CTNND2: variants seen among roughly 807,000 people sequenced by gnomAD.
CTNND2 encodes the protein catenin delta 2.
Under a neutral mutation model 144.4 loss-of-function variants are expected in CTNND2, and 22 were observed. The ratio of observed to expected loss-of-function variants is 0.15; its 90% CI spans 0.11 to 0.22. The LOEUF (loss-of-function observed/expected upper bound fraction) is 0.22. Ranked by LOEUF, CTNND2 falls within the 10% of genes least tolerant of loss-of-function variation. The probability of loss-of-function intolerance (pLI) is 1.00; values close to 1 mark genes in which losing one functional copy is unlikely to be tolerated. For missense variants in CTNND2, 1,353 were observed against 1,618.8 expected (o/e 0.84, Z 2.82); for synonymous variants, 751 against 695.6 (o/e 1.08, Z -1.25).
intron 2 of CTNND2, among the ~76,000 whole-genome samples, chr5:11,711,388 T>C (rs544842258): frequency 3.3e-5 from 5 of 152,272 alleles, no homozygotes; most frequent in African/African-American, 1.2e-4. Context: ...TTTTTTTATA[T>C]ATATTTAATC....
intron 3 of CTNND2, among the ~76,000 whole-genome samples, chr5:11,458,925 C>T (rs1323102744): frequency 6.6e-6 from 1 of 150,414 alleles, no homozygotes; most frequent in African/African-American, 2.5e-5. Context: ...ACCACCACGA[C>T]TGTTTCTTTT....
chr5:10,986,680 G>A (rs918729290), intron 20 of CTNND2: 2 of 456,250 alleles, frequency 4.4e-6, no homozygotes, highest in South Asian at 1.5e-5. Context: ...TTCAGGAAAC[G>A]TCTCAGGAGC....
intron 3 of CTNND2, among the ~76,000 whole-genome samples, chr5:11,455,931 C>A (rs1466750643): frequency 6.6e-6 from 1 of 152,112 alleles, no homozygotes; most frequent in Admixed American, 6.6e-5. Flanking sequence ...AAATCTTCCC[C>A]AATGGTGATG....
At chr5:11,829,413 T>C (rs1279009034) in intron 1 of CTNND2, among the ~76,000 whole-genome samples, 3 of 151,996 alleles carry the variant, frequency 2.0e-5, no homozygotes, top group Non-Finnish European at 4.4e-5. Context: ...AGGCCCAGGG[T>C]CCCTATGCTG....
chr5:11,014,458 G>C (rs1351476684), intron 18 of CTNND2, among the ~76,000 whole-genome samples: 2 of 152,078 alleles, frequency 1.3e-5, no homozygotes, highest in Non-Finnish European at 2.9e-5. Flanking sequence ...TCTATTTGCG[G>C]TTATCTAAAC....
At chr5:11,765,635 C>T (rs1381777034) in intron 1 of CTNND2, among the ~76,000 whole-genome samples, 4 of 152,006 alleles carry the variant, frequency 2.6e-5, no homozygotes, top group East Asian at 1.9e-4. Context: ...AAAATGGCGT[C>T]GAACTCTCGG....
chr5:11,846,307 ACTAT>A (rs1794732994), intron 1 of CTNND2, among the ~76,000 whole-genome samples: 1 of 152,128 alleles, frequency 6.6e-6, no homozygotes, highest in Non-Finnish European at 1.5e-5. Context: ...ATTTCAACAA[ACTAT>A]CAATCTTTGA....
At chr5:11,325,956 C>T (rs1251761883) in intron 9 of CTNND2, among the ~76,000 whole-genome samples, 1 of 152,176 alleles carries the variant, frequency 6.6e-6, no homozygotes, top group Non-Finnish European at 1.5e-5. Context: ...CAGAGCCTAA[C>T]TGTAGTACAT....
At chr5:11,299,689 C>T (rs40403) in intron 9 of CTNND2, among the ~76,000 whole-genome samples, 62,414 of 151,982 alleles carry the variant, frequency 0.41, 13,449 homozygotes, top group African/African-American at 0.53. Context: ...ACTTTCCTGC[C>T]AAGGTGTGTC....
chr5:11,662,150 T>TATATATGTGTATATGTGTATATATAC (rs1561668772), intron 2 of CTNND2, among the ~76,000 whole-genome samples: 159 of 113,134 alleles, frequency 1.4e-3, no homozygotes, highest in African/African-American at 7.1e-3. Flanking sequence ...TATATACACA[T>TATATATGTGTATATGTGTATATATAC]ATATATGTGT....
At chr5:11,800,617 A>G (rs1791627528) in intron 1 of CTNND2, among the ~76,000 whole-genome samples, 1 of 152,304 alleles carries the variant, frequency 6.6e-6, no homozygotes, top group South Asian at 2.1e-4. Context: ...CCTTCCGTCC[A>G]TTAGAGAAAC....
At chr5:11,469,881 C>T (rs1403398997) in intron 3 of CTNND2, among the ~76,000 whole-genome samples, 2 of 152,116 alleles carry the variant, frequency 1.3e-5, no homozygotes, top group East Asian at 3.9e-4. Flanking sequence ...CACCTTGCTT[C>T]CTGCCTCCAT....
At chr5:11,129,651 C>G (rs1476186551) in intron 12 of CTNND2, among the ~76,000 whole-genome samples, 1 of 151,872 alleles carries the variant, frequency 6.6e-6, no homozygotes, top group Non-Finnish European at 1.5e-5. Flanking sequence ...CCCCTGAAAA[C>G]TGGAGTTTTC....
intron 1 of CTNND2, among the ~76,000 whole-genome samples, chr5:11,811,358 C>A (rs936717181): frequency 1.3e-5 from 2 of 152,154 alleles, no homozygotes; most frequent in South Asian, 4.1e-4. Flanking sequence ...GATAGTGAAA[C>A]TTCATGGCCA....
chr5:11,678,582 C>T lies in CTNND2; in HGVS notation c.174+53554G>A, dbSNP rs902090911. Reference sequence around the variant, plus strand: ...ATGTTATTAAGACGAAGCCCTCTAGCACTATTGATCATTGATATGAGCAGG... The same window carrying T: ...ATGTTATTAAGACGAAGCCCTCTAGTACTATTGATCATTGATATGAGCAGG... On this transcript the variant is annotated intron_variant, in intron 2 of 21. Transcript: ENST00000304623. Among the ~76,000 whole-genome samples the T allele has an allele frequency of 5.3e-5, 8 of 152,156 alleles. 1 individual carries two copies. Among genetic ancestry groups the T allele is most frequent in the Admixed American group, 3.3e-4 (5 of 15,272 alleles).
intron 14 of CTNND2, among the ~76,000 whole-genome samples, chr5:11,105,616 T>C (rs1752345834): frequency 6.6e-6 from 1 of 152,194 alleles, no homozygotes; most frequent in Non-Finnish European, 1.5e-5. Flanking sequence ...ACGAGACACC[T>C]GAAACAGAGT....
chr5:11,523,492 C>A (rs1772943641), intron 3 of CTNND2, among the ~76,000 whole-genome samples: 1 of 152,158 alleles, frequency 6.6e-6, no homozygotes, highest in African/African-American at 2.4e-5. Context: ...TGACTCTACA[C>A]TGGAATAATC....
chr5:11,856,465 C>T (rs1039911268), intron 1 of CTNND2, among the ~76,000 whole-genome samples: 1 of 152,114 alleles, frequency 6.6e-6, no homozygotes, highest in African/African-American at 2.4e-5. Flanking sequence ...ATTTGACAAA[C>T]TCGGCTCAGG....
intron 1 of CTNND2, among the ~76,000 whole-genome samples, chr5:11,866,450 G>A (rs1582030929): frequency 6.6e-6 from 1 of 152,202 alleles, no homozygotes; most frequent in African/African-American, 2.4e-5. Flanking sequence ...GGAAGCCTGA[G>A]CAGGATGTTC....
Sources: gnomAD v4.1 joint callset for allele counts (sites outside exome capture counted in the v4.1 genomes callset) on GRCh38, gnomAD v4.1.1 for gene constraint, MANE v1.5 for transcripts, NCBI Gene and HGNC (gene_info 2026-07-23, HGNC 2026-07-21) for gene names.